Variants in LCLAT1 observed in about 807,000 individuals in gnomAD.
The protein encoded by LCLAT1 is 1-AGP acyltransferase 8.
LCLAT1 carries 11 observed loss-of-function variants against 30.7 expected under a neutral mutation model. The observed-to-expected ratio is 0.36, with a 90% CI of 0.23 to 0.59. The LOEUF (loss-of-function observed/expected upper bound fraction) is 0.59. Ranked by LOEUF, LCLAT1 falls within the 20% of genes least tolerant of loss-of-function variation. The pLI is 0.77. For synonymous variants in LCLAT1, 155 were observed against 151.3 expected (o/e 1.02, Z -0.18); for missense variants, 402 against 458.6 (o/e 0.88, Z 1.13).
intron 1 of LCLAT1, among the ~76,000 whole-genome samples, chr2:30,457,258 A>T (rs759650998): frequency 5.9e-5 from 9 of 152,160 alleles, no homozygotes; most frequent in Non-Finnish European, 1.0e-4. Context: ...GTTGTCAGAG[A>T]TCTTGGAGCT....
At chr2:30,608,170 T>A (rs2593452) in intron 5 of LCLAT1, among the ~76,000 whole-genome samples, 128,758 of 151,626 alleles carry the variant, frequency 0.85, 54,830 homozygotes, top group East Asian at 0.94. Flanking sequence ...AAAATACAAA[T>A]ATTAGCTGGG....
intron 1 of LCLAT1, among the ~76,000 whole-genome samples, chr2:30,461,147 G>A (rs1682101498): frequency 6.6e-6 from 1 of 152,186 alleles, no homozygotes; most frequent in Non-Finnish European, 1.5e-5. Context: ...AGTGTGGATA[G>A]CATGGGGATA....
chr2:30,567,908 T>C, intron 4 of LCLAT1, 152 bp from the exon 5 acceptor site: 1 of 488,222 alleles, frequency 2.0e-6, no homozygotes, highest in Non-Finnish European at 3.7e-6. Flanking sequence ...ATGGACCATC[T>C]GCAATGTTTG....
chr2:30,525,811 G>C (rs1354037218), intron 2 of LCLAT1, 56 bp downstream of exon 2: 14 of 1,455,924 alleles, frequency 9.6e-6, no homozygotes, highest in Non-Finnish European at 1.2e-5. Flanking sequence ...CCCCACCCCT[G>C]ATAGATACCT....
In LCLAT1 at chr2:30,512,111, T is replaced by C. The variant is rs78768971; in HGVS notation, c.-4-13476T>C. ...TTGTAGGTGTGGGATTTTTAGTGTG[T>C]TTTTTGAGAGAGCACAATTAGATAT... On this transcript the variant is annotated intron_variant, in intron 1 of 5. Coordinates refer to ENST00000379509, the MANE Select transcript of LCLAT1 (RefSeq NM_001002257.3). 4.9e-3 allele frequency among the ~76,000 whole-genome samples: 750 copies of C among 152,264 alleles called. 6 individuals are homozygous for C. Among genetic ancestry groups the C allele is most frequent in the African/African-American group, 0.017 (724 of 41,532 alleles).
intron 5 of LCLAT1, among the ~76,000 whole-genome samples, chr2:30,616,071 T>C (rs1667980969): frequency 6.6e-6 from 1 of 152,180 alleles, no homozygotes; most frequent in South Asian, 2.1e-4. Context: ...GAACTGTGCA[T>C]GTGTAATTAG....
intron 1 of LCLAT1, among the ~76,000 whole-genome samples, chr2:30,495,376 T>A (rs999500882): frequency 6.6e-6 from 1 of 152,144 alleles, no homozygotes; most frequent in Non-Finnish European, 1.5e-5. Context: ...CCCCCTTTCA[T>A]AATAAATATT....
chr2:30,514,637 T>C (rs1685100035), intron 1 of LCLAT1, among the ~76,000 whole-genome samples: 1 of 152,180 alleles, frequency 6.6e-6, no homozygotes, highest in Non-Finnish European at 1.5e-5. Context: ...CCAGAGAGGT[T>C]TTCCCCTAAC....
intron 3 of LCLAT1, among the ~76,000 whole-genome samples, chr2:30,534,705 A>T (rs1226270012): frequency 6.6e-6 from 1 of 152,216 alleles, no homozygotes; most frequent in Non-Finnish European, 1.5e-5. Flanking sequence ...CTTGAGAACC[A>T]GCAAGAAGCT....
At chr2:30,475,355 G>A (rs1474958024) in intron 1 of LCLAT1, among the ~76,000 whole-genome samples, 1 of 152,090 alleles carries the variant, frequency 6.6e-6, no homozygotes, top group Non-Finnish European at 1.5e-5. Flanking sequence ...TGGATAGCTG[G>A]TGGTGACTTG....
At chr2:30,504,710 CT>C (rs1426123366) in intron 1 of LCLAT1, among the ~76,000 whole-genome samples, 1 of 152,128 alleles carries the variant, frequency 6.6e-6, no homozygotes, top group Non-Finnish European at 1.5e-5. Flanking sequence ...TTCCTTTTCT[CT>C]CTCCCTTCTT....
chr2:30,588,811 G>A (rs1666557069), intron 5 of LCLAT1, among the ~76,000 whole-genome samples: 1 of 152,062 alleles, frequency 6.6e-6, no homozygotes, highest in African/African-American at 2.4e-5. Context: ...TGCTGGTCAG[G>A]CTGATCTTGA....
At chr2:30,454,122 T>C (rs1299516960) in intron 1 of LCLAT1, among the ~76,000 whole-genome samples, 1 of 152,248 alleles carries the variant, frequency 6.6e-6, no homozygotes. Context: ...TTACAAGTTA[T>C]GTCCAAAGTT....
chr2:30,568,202 T>A (rs1665591296), intron 5 of LCLAT1, 26 bp downstream of exon 5: 2 of 1,378,198 alleles, frequency 1.5e-6, no homozygotes, highest in Non-Finnish European at 2.0e-6. Flanking sequence ...AAAATGTACT[T>A]TTTAATAAAA....
intron 1 of LCLAT1, among the ~76,000 whole-genome samples, chr2:30,513,163 A>G (rs1685019928): frequency 6.6e-6 from 1 of 152,096 alleles, no homozygotes; most frequent in African/African-American, 2.4e-5. Context: ...ACTGATTACT[A>G]ATGAACATAT....
chr2:30,448,547 T>G lies in LCLAT1; in HGVS notation c.-5+1164T>G, dbSNP rs946251103. Among the ~76,000 whole-genome samples the G allele has an allele frequency of 2.0e-5, 3 of 152,250 alleles. No individual in the cohort carries two copies. In the East Asian group the frequency reaches 5.8e-4, roughly 29 times the overall value. On this transcript the variant is annotated intron_variant, in intron 1 of 5. Coordinates refer to ENST00000379509, the MANE Select transcript of LCLAT1 (RefSeq NM_001002257.3). ...AGAAAAACGTAATAGCGCTTGTGTTTCAGTCATCAATAGCTGCAATCTCTG... is the reference window on the plus strand; with the variant it reads ...AGAAAAACGTAATAGCGCTTGTGTTGCAGTCATCAATAGCTGCAATCTCTG...
At chr2:30,459,163 A>G (rs930922526) in intron 1 of LCLAT1, among the ~76,000 whole-genome samples, 1 of 152,168 alleles carries the variant, frequency 6.6e-6, no homozygotes, top group African/African-American at 2.4e-5. Flanking sequence ...TATGTGTTAC[A>G]AAGTGTGGGG....
At chr2:30,459,905 T>C (rs1254035435) in intron 1 of LCLAT1, among the ~76,000 whole-genome samples, 2 of 152,210 alleles carry the variant, frequency 1.3e-5, no homozygotes, top group Non-Finnish European at 2.9e-5. Context: ...GGGAGATAAA[T>C]GTCCTTTTTT....
chr2:30,450,147 A>C (rs2148250812), intron 1 of LCLAT1, among the ~76,000 whole-genome samples: 1 of 152,356 alleles, frequency 6.6e-6, no homozygotes, highest in Middle Eastern at 3.4e-3. Context: ...TAAATGATTA[A>C]CTAATAAAGC....
Sources: gnomAD v4.1 joint callset for allele counts (sites outside exome capture counted in the v4.1 genomes callset) on GRCh38, gnomAD v4.1.1 for gene constraint, MANE v1.5 for transcripts, NCBI Gene and HGNC (gene_info 2026-07-23, HGNC 2026-07-21) for gene names.